MAST4: variants seen among roughly 807,000 people sequenced by gnomAD.
MAST4 encodes the protein microtubule-associated serine/threonine-protein kinase 4.
MAST4 carries 89 observed loss-of-function variants against 162.7 expected under a neutral mutation model. That is an observed-to-expected ratio of 0.55 (90% CI 0.46 to 0.65). The LOEUF is 0.65. MAST4 is among the 30% of genes least tolerant of loss of function. MAST4 has a pLI of 0.00. For missense variants in MAST4, 3,153 were observed against 3,374.0 expected, an observed-to-expected ratio of 0.93 and a Z score of 1.62; for synonymous variants, 1,479 against 1,361.1, an observed-to-expected ratio of 1.09 and a Z score of -1.91.
At chr5:67,032,525 C>T (rs902731546) in intron 4 of MAST4, among the ~76,000 whole-genome samples, 1 of 152,060 alleles carries the variant, frequency 6.6e-6, no homozygotes, top group Non-Finnish European at 1.5e-5. Flanking sequence ...TATAAGGTAT[C>T]ATGTTAGAAT....
At chr5:66,950,557 G>T (rs1361884637) in intron 4 of MAST4, among the ~76,000 whole-genome samples, 1 of 152,038 alleles carries the variant, frequency 6.6e-6, no homozygotes, top group Non-Finnish European at 1.5e-5. Flanking sequence ...TTTGTGTCTG[G>T]CTTATTTCAC....
intron 4 of MAST4, among the ~76,000 whole-genome samples, chr5:66,987,331 T>C (rs13187533): frequency 0.024 from 3,714 of 152,312 alleles, 59 homozygotes; most frequent in South Asian, 0.049. Context: ...TGATGAGTCA[T>C]GTGCAATGTG....
chr5:66,621,854 G>T (rs182445862), intron 1 of MAST4, among the ~76,000 whole-genome samples: 1 of 152,176 alleles, frequency 6.6e-6, no homozygotes, highest in Non-Finnish European at 1.5e-5. Context: ...GTTGACAGTC[G>T]TCTTCTATAG....
chr5:66,746,401 G>A (rs911571645), intron 1 of MAST4, among the ~76,000 whole-genome samples: 1 of 152,194 alleles, frequency 6.6e-6, no homozygotes, highest in East Asian at 1.9e-4. Context: ...GGGCTTTGTA[G>A]TTGGGCATCT....
chr5:66,687,482 A>G (rs571891042), intron 1 of MAST4, among the ~76,000 whole-genome samples: 2 of 152,058 alleles, frequency 1.3e-5, no homozygotes, highest in Admixed American at 6.5e-5. Context: ...ATATATGTAT[A>G]CATACATATA....
chr5:66,695,022 A>G (rs546789188), intron 1 of MAST4, among the ~76,000 whole-genome samples: 2 of 152,060 alleles, frequency 1.3e-5, no homozygotes, highest in African/African-American at 4.8e-5. Context: ...CTTTAGTTTA[A>G]TTAGGTCCCT....
chr5:67,133,466 A>G lies in MAST4; in HGVS notation c.2094-48A>G, dbSNP rs774173290. The G allele has an allele frequency of 5.0e-6, 8 of 1,595,566 alleles. No homozygotes were observed. In the East Asian group the frequency reaches 1.8e-4, roughly 36 times the overall value. On this transcript the variant is annotated intron_variant, in intron 16 of 28. Coordinates refer to ENST00000403625, the MANE Select transcript of MAST4 (RefSeq NM_001164664.2). ...GGAAGGGAGGAAATGAAAATAGATA[A>G]CCAGCTTATAAAGTGATTATTGTGT...
intron 1 of MAST4, among the ~76,000 whole-genome samples, chr5:66,673,995 A>G (rs1747794825): frequency 6.6e-6 from 1 of 152,260 alleles, no homozygotes; most frequent in Admixed American, 6.5e-5. Flanking sequence ...AGGATTACAT[A>G]AAGTCTGAAA....
intron 1 of MAST4, among the ~76,000 whole-genome samples, chr5:66,666,414 T>C (rs1005728317): frequency 6.6e-6 from 1 of 152,258 alleles, no homozygotes; most frequent in Non-Finnish European, 1.5e-5. Flanking sequence ...TTCATGGAAC[T>C]TGTAGTCTAA....
intron 1 of MAST4, among the ~76,000 whole-genome samples, chr5:66,638,286 G>T (rs7701724): frequency 1.3e-5 from 2 of 152,050 alleles, no homozygotes; most frequent in African/African-American, 2.4e-5. Flanking sequence ...AAATGCAGAC[G>T]CATGGTCCGG....
chr5:66,945,591 A>C (rs1743930391), intron 4 of MAST4, among the ~76,000 whole-genome samples: 1 of 152,064 alleles, frequency 6.6e-6, no homozygotes, highest in Non-Finnish European at 1.5e-5. Flanking sequence ...TCCAGGGACA[A>C]GGAGAAGCGC....
At chr5:66,976,037 C>T (rs1024652156) in intron 4 of MAST4, among the ~76,000 whole-genome samples, 8 of 152,298 alleles carry the variant, frequency 5.3e-5, no homozygotes, top group African/African-American at 1.4e-4. Context: ...TTGGATGCCT[C>T]TGAGCATTGT....
intron 3 of MAST4, among the ~76,000 whole-genome samples, chr5:66,796,005 T>C (rs187853796): frequency 2.0e-5 from 3 of 152,316 alleles, no homozygotes; most frequent in Non-Finnish European, 4.4e-5. Context: ...TGAATTTTCA[T>C]AACTCAGTGC....
intron 5 of MAST4, among the ~76,000 whole-genome samples, chr5:67,077,840 C>T (rs1282503186): frequency 6.6e-6 from 1 of 152,156 alleles, no homozygotes; most frequent in Non-Finnish European, 1.5e-5. Context: ...TGGCTCATGC[C>T]TATAATCCCA....
intron 3 of MAST4, among the ~76,000 whole-genome samples, chr5:66,804,450 T>C (rs1349800010): frequency 4.6e-5 from 7 of 152,118 alleles, no homozygotes; most frequent in Non-Finnish European, 8.8e-5. Flanking sequence ...GGGACCCAGG[T>C]GGAAGGGCAG....
chr5:66,627,308 C>A (rs957394904), intron 1 of MAST4, among the ~76,000 whole-genome samples: 1 of 152,166 alleles, frequency 6.6e-6, no homozygotes. Context: ...TACCTCCCAC[C>A]AGGTCCTTCC....
At chr5:67,071,141 A>G (rs1760929724) in intron 5 of MAST4, among the ~76,000 whole-genome samples, 1 of 152,172 alleles carries the variant, frequency 6.6e-6, no homozygotes, top group African/African-American at 2.4e-5. Flanking sequence ...TAACAGTAAA[A>G]TCGGTACAAA....
At chr5:66,781,616 T>C (rs1399237988) in intron 2 of MAST4, among the ~76,000 whole-genome samples, 5 of 152,214 alleles carry the variant, frequency 3.3e-5, no homozygotes, top group Non-Finnish European at 7.3e-5. Context: ...CTTTTCCTGG[T>C]TGGTACCTTA....
intron 4 of MAST4, among the ~76,000 whole-genome samples, chr5:67,026,930 C>A (rs1754720162): frequency 6.6e-6 from 1 of 151,996 alleles, no homozygotes; most frequent in African/African-American, 2.4e-5. Flanking sequence ...GAAAAGAAAT[C>A]AGGTTTAAAT....
Sources: allele counts gnomAD v4.1 joint callset (sites outside exome capture counted in the v4.1 genomes callset), GRCh38; gene constraint gnomAD v4.1.1; transcripts MANE v1.5; gene names NCBI Gene and HGNC (gene_info 2026-07-23, HGNC 2026-07-21).